The following HDAC9 variants were observed in gnomAD, a reference collection of about 807,000 sequenced individuals.
The protein encoded by HDAC9 is MEF-2 interacting transcription repressor (MITR) protein.
A neutral mutation model predicts 139.4 loss-of-function variants in HDAC9; 41 were observed. The observed-to-expected ratio is 0.29, with a 90% CI of 0.23 to 0.38. The LOEUF is 0.38. HDAC9 is among the 10% of genes least tolerant of loss of function. HDAC9 has a pLI of 1.00. For missense variants in HDAC9, 1,147 were observed against 1,297.0 expected (o/e 0.88, Z 1.78); for synonymous variants, 517 against 476.2 (o/e 1.09, Z -1.12).
At chr7:18,485,163 T>C (rs914439330) in intron 1 of HDAC9, among the ~76,000 whole-genome samples, 2 of 152,168 alleles carry the variant, frequency 1.3e-5, no homozygotes, top group Admixed American at 1.3e-4. Context: ...TCGAATTAAA[T>C]GACAAACACA....
At chr7:18,484,861 A>G (rs1795855647) in intron 1 of HDAC9, among the ~76,000 whole-genome samples, 1 of 152,016 alleles carries the variant, frequency 6.6e-6, no homozygotes, top group African/African-American at 2.4e-5. Flanking sequence ...TGTAAAAAAA[A>G]AAAAAAGGAA....
At chr7:18,150,946 A>G (rs994253674) in intron 1 of HDAC9, among the ~76,000 whole-genome samples, 4 of 152,218 alleles carry the variant, frequency 2.6e-5, no homozygotes, top group African/African-American at 9.6e-5. Flanking sequence ...GATATGATTT[A>G]CCAGCCTGAT....
chr7:18,380,192 A>C (rs928083821), intron 1 of HDAC9, among the ~76,000 whole-genome samples: 3 of 152,250 alleles, frequency 2.0e-5, no homozygotes, highest in African/African-American at 7.2e-5. Context: ...GTGACACAAT[A>C]AGATTAAAAT....
chr7:18,145,605 A>G (rs1256488497), intron 1 of HDAC9, among the ~76,000 whole-genome samples: 4 of 152,224 alleles, frequency 2.6e-5, no homozygotes, highest in Non-Finnish European at 5.9e-5. Flanking sequence ...TATTAGTACT[A>G]TAACAAAGAG....
At chr7:18,176,993 G>T (rs375837436) in intron 2 of HDAC9, among the ~76,000 whole-genome samples, 1 of 152,192 alleles carries the variant, frequency 6.6e-6, no homozygotes, top group South Asian at 2.1e-4. Flanking sequence ...CTTGAGTTAG[G>T]TAATGTACAC....
chr7:18,452,163 A>G (rs1320037243), intron 1 of HDAC9, among the ~76,000 whole-genome samples: 2 of 152,142 alleles, frequency 1.3e-5, no homozygotes, highest in Non-Finnish European at 2.9e-5. Flanking sequence ...CAAGGTCAAC[A>G]GCAAAGTGAC....
rs186593793 is a variant in HDAC9, at chr7:18,842,032, G to A, written c.2684+6035G>A. On this transcript the variant is annotated intron_variant, in intron 21 of 25. Transcript: ENST00000686413. ...TTTAATAGAATATATAGTGAAAAAT[G>A]AACATTTAGATTTAACTTTGAAATA... Among the ~76,000 whole-genome samples, 469 of 152,138 alleles carry A rather than the reference G, an allele frequency of 3.1e-3. 2 individuals carry two copies. The highest frequency in any genetic ancestry group is 0.011 in the African/African-American group (454 of 41,522).
intron 2 of HDAC9, among the ~76,000 whole-genome samples, chr7:18,546,861 A>G (rs117189705): frequency 1.3e-5 from 2 of 152,334 alleles, no homozygotes; most frequent in Non-Finnish European, 2.9e-5. Context: ...GTCCTGAAGA[A>G]TTTGAGATTA....
chr7:18,196,680 T>C (rs560394759), intron 2 of HDAC9, among the ~76,000 whole-genome samples: 1 of 152,114 alleles, frequency 6.6e-6, no homozygotes, highest in South Asian at 2.1e-4. Context: ...AGAACAGGGA[T>C]GGTAAGATAA....
intron 2 of HDAC9, among the ~76,000 whole-genome samples, chr7:18,514,675 C>T (rs1802604939): frequency 6.6e-6 from 1 of 152,118 alleles, no homozygotes; most frequent in African/African-American, 2.4e-5. Context: ...TGCTGTGGCC[C>T]ATGCCTATAA....
At chr7:18,665,844 A>G (rs1794704788) in intron 11 of HDAC9, among the ~76,000 whole-genome samples, 1 of 152,098 alleles carries the variant, frequency 6.6e-6, no homozygotes, top group African/African-American at 2.4e-5. Context: ...TCTTTTGAGA[A>G]AAGTATTATT....
intron 2 of HDAC9, among the ~76,000 whole-genome samples, chr7:18,576,073 A>C (rs1236234886): frequency 5.3e-5 from 8 of 152,224 alleles, no homozygotes; most frequent in Admixed American, 5.2e-4. Flanking sequence ...ACTAATCTAG[A>C]GAAATGTGTT....
intron 1 of HDAC9, among the ~76,000 whole-genome samples, chr7:18,385,074 A>G (rs1785793039): frequency 6.6e-6 from 1 of 152,172 alleles, no homozygotes; most frequent in South Asian, 2.1e-4. Context: ...TAAAGCTTGG[A>G]TTCAAGTTGG....
At chr7:18,361,853 T>A (rs1304365806) in intron 1 of HDAC9, among the ~76,000 whole-genome samples, 3 of 152,190 alleles carry the variant, frequency 2.0e-5, no homozygotes, top group African/African-American at 7.2e-5. Flanking sequence ...AGCCAACTAA[T>A]TACTGATACA....
At chr7:18,412,554 T>C (rs1263593765) in intron 1 of HDAC9, among the ~76,000 whole-genome samples, 1 of 152,196 alleles carries the variant, frequency 6.6e-6, no homozygotes, top group Non-Finnish European at 1.5e-5. Context: ...GAAGACACGA[T>C]CATACTCCTG....
intron 1 of HDAC9, among the ~76,000 whole-genome samples, chr7:18,116,668 G>C (rs894525097): frequency 2.6e-5 from 4 of 151,770 alleles, no homozygotes; most frequent in African/African-American, 9.7e-5. Flanking sequence ...AAATAATAGA[G>C]TTGATTTAAT....
intron 12 of HDAC9, among the ~76,000 whole-genome samples, chr7:18,709,229 T>A (rs1049506133): frequency 5.3e-5 from 8 of 152,148 alleles, no homozygotes; most frequent in African/African-American, 1.9e-4. Flanking sequence ...TGTGTGTGTA[T>A]TGTTCCCCTC....
intron 1 of HDAC9, among the ~76,000 whole-genome samples, chr7:18,482,632 C>T (rs749517080): frequency 2.0e-5 from 3 of 151,956 alleles, no homozygotes; most frequent in Non-Finnish European, 4.4e-5. Flanking sequence ...AGTAACTGAG[C>T]AATGCCCTTA....
At chr7:18,533,313 G>T (rs547940846) in intron 2 of HDAC9, among the ~76,000 whole-genome samples, 1 of 151,854 alleles carries the variant, frequency 6.6e-6, no homozygotes, top group Non-Finnish European at 1.5e-5. Context: ...ACTCATCCTT[G>T]GTCTGTTCCT....
Sources: allele counts gnomAD v4.1 joint callset (sites outside exome capture counted in the v4.1 genomes callset), GRCh38; gene constraint gnomAD v4.1.1; transcripts MANE v1.5; gene names NCBI Gene and HGNC (gene_info 2026-07-23, HGNC 2026-07-21).